Variants in PDE4D observed in about 807,000 individuals in gnomAD.
The protein encoded by PDE4D is phosphodiesterase 4D.
PDE4D carries 24 observed loss-of-function variants against 87.4 expected under a neutral mutation model. The ratio of observed to expected loss-of-function variants is 0.27; its 90% CI spans 0.20 to 0.39. The LOEUF (loss-of-function observed/expected upper bound fraction) is 0.39, where lower values mean the gene tolerates loss of function less well. PDE4D is among the 10% of genes least tolerant of loss of function. PDE4D has a pLI of 1.00. For missense variants in PDE4D, 714 were observed against 1,041.0 expected (o/e 0.69, Z 4.32); for synonymous variants, 384 against 383.2 (o/e 1.00, Z -0.02).
intron 1 of PDE4D, among the ~76,000 whole-genome samples, chr5:59,371,609 G>A (rs1426126834): frequency 1.3e-5 from 2 of 152,118 alleles, no homozygotes; most frequent in African/African-American, 2.4e-5. Context: ...AAAAAGGTCT[G>A]TCCATGGTTT....
chr5:59,055,655 G>A (rs779376120), intron 5 of PDE4D, among the ~76,000 whole-genome samples: 1 of 152,174 alleles, frequency 6.6e-6, no homozygotes, highest in Non-Finnish European at 1.5e-5. Context: ...GCCCTCCAGG[G>A]TGGAGGGAAT....
intron 3 of PDE4D, among the ~76,000 whole-genome samples, chr5:59,929,605 C>A (rs1016006102): frequency 6.6e-6 from 1 of 151,868 alleles, no homozygotes; most frequent in African/African-American, 2.4e-5. Context: ...TGTTAAGTGT[C>A]TGAAAATGTG....
At chr5:60,416,458 G>A (rs1742574823) in intron 1 of PDE4D, among the ~76,000 whole-genome samples, 2 of 152,026 alleles carry the variant, frequency 1.3e-5, no homozygotes, top group Non-Finnish European at 2.9e-5. Flanking sequence ...CTTCACTCCG[G>A]AAGCCAGCGA....
At chr5:59,858,675 A>G (rs1745816756) in intron 1 of PDE4D, among the ~76,000 whole-genome samples, 1 of 152,158 alleles carries the variant, frequency 6.6e-6, no homozygotes, top group South Asian at 2.1e-4. Context: ...AACATAGATC[A>G]ACCAAACACC....
intron 1 of PDE4D, among the ~76,000 whole-genome samples, chr5:59,386,072 C>G (rs433565): frequency 0.47 from 70,934 of 151,950 alleles, 17,628 homozygotes; most frequent in African/African-American, 0.65. Context: ...GGGGAGGCAG[C>G]CTTCTCTTCC....
chr5:60,388,712 G>A (rs1167008652), intron 1 of PDE4D, among the ~76,000 whole-genome samples: 1 of 152,152 alleles, frequency 6.6e-6, no homozygotes, highest in African/African-American at 2.4e-5. Flanking sequence ...TCCTGCCTTG[G>A]GCAAGTGAAA....
At chr5:59,874,916 G>T (rs753747981) in intron 1 of PDE4D, among the ~76,000 whole-genome samples, 3 of 152,214 alleles carry the variant, frequency 2.0e-5, no homozygotes, top group African/African-American at 7.2e-5. Context: ...AAATTCTGTG[G>T]GGCAGAGGTC....
intron 1 of PDE4D, among the ~76,000 whole-genome samples, chr5:59,328,299 C>T (rs1474069592): frequency 6.6e-6 from 1 of 152,122 alleles, no homozygotes; most frequent in African/African-American, 2.4e-5. Flanking sequence ...GGTAATAATA[C>T]TACATCCCTC....
intron 1 of PDE4D, among the ~76,000 whole-genome samples, chr5:59,862,054 AG>A (rs1169896595): frequency 6.6e-6 from 1 of 152,116 alleles, no homozygotes; most frequent in Non-Finnish European, 1.5e-5. Context: ...CTCACTGCCC[AG>A]GGGACCACTC....
intron 2 of PDE4D, among the ~76,000 whole-genome samples, chr5:60,027,453 T>C (rs370570426): frequency 5.9e-5 from 9 of 152,332 alleles, no homozygotes; most frequent in African/African-American, 2.2e-4. Context: ...ATTTACCACA[T>C]GGTGTATATG....
At chr5:59,992,393 T>C (rs938682575) in intron 2 of PDE4D, among the ~76,000 whole-genome samples, 2 of 152,202 alleles carry the variant, frequency 1.3e-5, no homozygotes, top group Non-Finnish European at 2.9e-5. Context: ...TGTGATCGTG[T>C]GAGTCAATAC....
chr5:59,599,622 A>C lies in PDE4D; in HGVS notation c.455+293546T>G, dbSNP rs182991486. 4.6e-4 allele frequency among the ~76,000 whole-genome samples: 70 copies of C among 152,244 alleles called. No homozygotes were observed. The East Asian group carries it at 0.013, about 28-fold the overall frequency. On this transcript the variant is annotated intron_variant, in intron 1 of 14. Coordinates refer to ENST00000340635, the MANE Select transcript of PDE4D (RefSeq NM_001104631.2). ...GAGACCTTTGCATTCATGCTAAACC[A>C]TCATCTCAGACTCTATCCAGAAATT...
intron 1 of PDE4D, among the ~76,000 whole-genome samples, chr5:60,447,572 C>T (rs904723903): frequency 6.6e-6 from 1 of 151,824 alleles, no homozygotes; most frequent in African/African-American, 2.4e-5. Flanking sequence ...AACAAATACC[C>T]ACACAAATCA....
chr5:58,977,689 C>T (rs1224738911), intron 11 of PDE4D, among the ~76,000 whole-genome samples: 1 of 152,092 alleles, frequency 6.6e-6, no homozygotes, highest in Non-Finnish European at 1.5e-5. Context: ...TATAACACAT[C>T]CAGAGCATAA....
chr5:59,228,996 C>T (rs1561763125), intron 1 of PDE4D, among the ~76,000 whole-genome samples: 3 of 145,738 alleles, frequency 2.1e-5, no homozygotes, highest in African/African-American at 7.5e-5. Flanking sequence ...ACCTCCTAAC[C>T]TTTTTTTTTT....
At chr5:59,762,167 G>C (rs1762055552) in intron 1 of PDE4D, among the ~76,000 whole-genome samples, 1 of 149,170 alleles carries the variant, frequency 6.7e-6, no homozygotes, top group African/African-American at 2.5e-5. Context: ...TGTATATATA[G>C]GTACACAGGT....
At chr5:59,561,886 C>T (rs866073949) in intron 1 of PDE4D, among the ~76,000 whole-genome samples, 3 of 150,530 alleles carry the variant, frequency 2.0e-5, no homozygotes, top group Non-Finnish European at 2.9e-5. Flanking sequence ...GAGCTGAGAT[C>T]GCACCACTGC....
chr5:59,601,846 A>G (rs1471370256), intron 1 of PDE4D, among the ~76,000 whole-genome samples: 1 of 152,168 alleles, frequency 6.6e-6, no homozygotes, highest in Admixed American at 6.6e-5. Flanking sequence ...AAATTTTTCT[A>G]AAAGAATAAC....
chr5:59,280,660 G>A (rs184964917), intron 1 of PDE4D, among the ~76,000 whole-genome samples: 1 of 152,026 alleles, frequency 6.6e-6, no homozygotes, highest in African/African-American at 2.4e-5. Flanking sequence ...TAAACAAAGA[G>A]CAATGAGTGT....
Sources: allele counts gnomAD v4.1 joint callset (sites outside exome capture counted in the v4.1 genomes callset), GRCh38; gene constraint gnomAD v4.1.1; transcripts MANE v1.5; gene names NCBI Gene and HGNC (gene_info 2026-07-23, HGNC 2026-07-21).